Variants in DNAH6 observed in about 807,000 individuals in gnomAD.
The protein encoded by DNAH6 is axonemal beta dynein heavy chain 6.
A neutral mutation model predicts 491.4 loss-of-function variants in DNAH6; 340 were observed. That is an observed-to-expected ratio of 0.69 (90% CI 0.63 to 0.76). DNAH6 has a LOEUF of 0.76. DNAH6 is among the 30% of genes least tolerant of loss of function. The pLI is 0.00. For missense variants in DNAH6, 4,443 were observed against 4,972.2 expected (o/e 0.89, Z 3.20); for synonymous variants, 1,603 against 1,686.1 (o/e 0.95, Z 1.21).
intron 63 of DNAH6, among the ~76,000 whole-genome samples, chr2:84,753,900 C>T (rs991316977): frequency 1.3e-5 from 2 of 150,518 alleles, no homozygotes; most frequent in Non-Finnish European, 2.9e-5. Flanking sequence ...TCTCAGCTCA[C>T]TGCAACCTCC....
intron 51 of DNAH6, 33 bp from the exon 52 acceptor site, chr2:84,705,453 C>T (rs1226357021): frequency 4.7e-6 from 7 of 1,490,426 alleles, no homozygotes; most frequent in Non-Finnish European, 6.3e-6. Context: ...TACTTCATTT[C>T]AGTGCCATTA....
At chr2:84,732,562 G>A (rs962703324) in intron 61 of DNAH6, among the ~76,000 whole-genome samples, 1 of 152,184 alleles carries the variant, frequency 6.6e-6, no homozygotes, top group African/African-American at 2.4e-5. Flanking sequence ...TTTCCATGAA[G>A]TGTCCATAAT....
chr2:84,525,148 T>A (rs2104430035), intron 2 of DNAH6, among the ~76,000 whole-genome samples: 1 of 152,208 alleles, frequency 6.6e-6, no homozygotes, highest in South Asian at 2.1e-4. Context: ...CACCTATTTT[T>A]TTTAGATCTT....
At chr2:84,491,657 T>C in the DNAH6 span, among the ~76,000 whole-genome samples, 1 of 152,206 alleles carries the variant, frequency 6.6e-6, no homozygotes, top group African/African-American at 2.4e-5. Context: ...AGAAGTGTTC[T>C]TTCTCCCAGA....
chr2:84,595,848 A>G (rs1684526826), intron 18 of DNAH6, 59 bp downstream of exon 18: 6 of 1,424,780 alleles, frequency 4.2e-6, no homozygotes, highest in Non-Finnish European at 5.5e-6. Flanking sequence ...AATTGATGCT[A>G]ATGAGACCAA....
At chr2:84,618,066 T>C (rs1687048278) in intron 23 of DNAH6, among the ~76,000 whole-genome samples, 1 of 151,998 alleles carries the variant, frequency 6.6e-6, no homozygotes, top group African/African-American at 2.4e-5. Context: ...GAAACTGAAA[T>C]TTTAACATCT....
At chr2:84,546,603 G>C (rs1265559323) in intron 5 of DNAH6, among the ~76,000 whole-genome samples, 1 of 151,998 alleles carries the variant, frequency 6.6e-6, no homozygotes, top group Non-Finnish European at 1.5e-5. Flanking sequence ...TTTAAAAGTT[G>C]GCAAATTATG....
the DNAH6 span, among the ~76,000 whole-genome samples, chr2:84,461,004 C>T: frequency 6.6e-6 from 1 of 152,116 alleles, no homozygotes; most frequent in Non-Finnish European, 1.5e-5. Flanking sequence ...AAGAAACTCC[C>T]CAGGCCTCCA....
chr2:84,467,279 A>G, the DNAH6 span, among the ~76,000 whole-genome samples: 3 of 152,218 alleles, frequency 2.0e-5, no homozygotes, highest in East Asian at 3.8e-4. Context: ...GCCTTCTTAC[A>G]ATCTTTTTTT....
intron 45 of DNAH6, among the ~76,000 whole-genome samples, chr2:84,691,066 A>G (rs577212172): frequency 6.6e-6 from 1 of 152,246 alleles, no homozygotes; most frequent in Non-Finnish European, 1.5e-5. Flanking sequence ...ATTAGTCTTT[A>G]AGCCACTAAT....
the DNAH6 span, among the ~76,000 whole-genome samples, chr2:84,477,458 C>T: frequency 6.6e-6 from 1 of 152,202 alleles, no homozygotes; most frequent in Non-Finnish European, 1.5e-5. Context: ...CTCTGGTTCA[C>T]ATGCCTCTGA....
the DNAH6 span, among the ~76,000 whole-genome samples, chr2:84,485,604 G>A: frequency 1.3e-5 from 2 of 152,064 alleles, no homozygotes; most frequent in South Asian, 2.1e-4. Flanking sequence ...GCTGTACTAC[G>A]TGCTGCTGTA....
In DNAH6 at chr2:84,623,845, T is replaced by G. The variant is rs932681852; in HGVS notation, c.4072-420T>G. 3.9e-5 allele frequency among the ~76,000 whole-genome samples: 6 copies of G among 152,338 alleles called. No homozygotes were observed. The Middle Eastern group carries it at 0.014, about 345-fold the overall frequency. On this transcript the variant is annotated intron_variant, in intron 26 of 76. Coordinates refer to ENST00000389394, the MANE Select transcript of DNAH6 (RefSeq NM_001370.2). The stretch of plus-strand genomic sequence containing the variant: ...TAAAATGCTCAGATTTTCTGAATAT[T>G]AATGGGAAAACCACCCCTAAAACTG...
chr2:84,801,135 T>C (rs1559056586), intron 70 of DNAH6, among the ~76,000 whole-genome samples: 2 of 147,306 alleles, frequency 1.4e-5, no homozygotes, highest in African/African-American at 2.5e-5. Flanking sequence ...TTGGGAGATA[T>C]ACCTAATGCT....
intron 68 of DNAH6, among the ~76,000 whole-genome samples, chr2:84,795,922 C>T: frequency 6.6e-6 from 1 of 152,112 alleles, no homozygotes; most frequent in East Asian, 1.9e-4. Context: ...CCATTTTACT[C>T]ATTGTCTCCG....
chr2:84,553,433 CTTTT>C (rs1325269236), intron 10 of DNAH6, among the ~76,000 whole-genome samples: 2 of 126,070 alleles, frequency 1.6e-5, no homozygotes, highest in Non-Finnish European at 3.5e-5. Context: ...TTCTTTCTTT[CTTTT>C]TCTCTTTCTC....
At chr2:84,688,349 T>G in intron 44 of DNAH6, 90 bp from the exon 45 acceptor site, 1 of 1,102,320 alleles carries the variant, frequency 9.1e-7, no homozygotes, top group Non-Finnish European at 1.2e-6. Flanking sequence ...AATTCCAGTG[T>G]AGCTCTTGAA....
rs576120141 is a variant in DNAH6, at chr2:84,632,431, G to A, written c.4516-2073G>A. On this transcript the variant is annotated intron_variant, in intron 29 of 76. Transcript: ENST00000389394. ...AGAGGGTCATTTTTGAAGAGCAAAC[G>A]GAAATGAAGAACCACCATGACCACA... 5.3e-5 allele frequency among the ~76,000 whole-genome samples: 8 copies of A among 152,256 alleles called. No homozygotes were observed. The East Asian group carries it at 1.2e-3, about 22-fold the overall frequency.
the DNAH6 span, among the ~76,000 whole-genome samples, chr2:84,493,921 C>A: frequency 8.5e-5 from 13 of 152,186 alleles, no homozygotes; most frequent in Admixed American, 8.5e-4. Flanking sequence ...AAGCAAGGCT[C>A]CCCACCAAGG....
Sources: allele counts gnomAD v4.1 joint callset (sites outside exome capture counted in the v4.1 genomes callset), GRCh38; gene constraint gnomAD v4.1.1; transcripts MANE v1.5; gene names NCBI Gene and HGNC (gene_info 2026-07-23, HGNC 2026-07-21).